Variants in UNC119 observed in about 807,000 individuals in gnomAD.
The protein encoded by UNC119 is protein unc-119 homolog A.
UNC119 carries 15 observed loss-of-function variants against 22.6 expected under a neutral mutation model. The ratio of observed to expected loss-of-function variants is 0.66; its 90% CI spans 0.44 to 1.02. The LOEUF is 1.02. Ranked by LOEUF, UNC119 falls within the 50% of genes least tolerant of loss-of-function variation. UNC119 has a pLI of 0.00. For missense variants in UNC119, 322 were observed against 336.0 expected, an observed-to-expected ratio of 0.96 and a Z score of 0.33; for synonymous variants, 138 against 139.4, an observed-to-expected ratio of 0.99 and a Z score of 0.07.
rs199723120 is a variant in UNC119 at position 28,547,766 on chromosome 17, C to G, written c.521G>C (p.Ser174Thr). The part of the protein sequence containing the change: ...RHYFRNQLLK[S>T]FDFHFGFCIP... ...GCAGAAGCCAAAGTGGAAGTCGAAG[C>G]TTTTGAGTAGCTGGTTGCGGAAGTA... The change falls in exon 4 of 5, where the codon AGC becomes ACC. Residue 174 changes from serine (S) to threonine (T), a missense_variant. By Grantham distance (58) the Ser-to-Thr change is moderately conservative. Transcript: ENST00000335765. 16 of 1,614,092 alleles carry G rather than the reference C, an allele frequency of 9.9e-6. No homozygotes were observed. The East Asian group carries it at 3.1e-4, about 31-fold the overall frequency.
intron 1 of UNC119, chr17:28,552,094 T>C (rs1567612354): frequency 1.5e-6 from 1 of 688,650 alleles, no homozygotes; most frequent in Non-Finnish European, 2.7e-6. Context: ...GACGGGCCCC[T>C]GGAAAAGGAA....
rs1224490465 is a variant in UNC119, at chr17:28,547,034, G to C, written c.*263C>G. On this transcript the variant is annotated 3_prime_UTR_variant, in exon 5 of 5. Transcript: ENST00000335765. ...AAGTAGGGCCCAGCTAAGTTGTCCG[G>C]AAGTCCTGACTGCTCCTCTCACAGG... is the stretch of plus-strand genomic sequence containing the variant. 1.3e-5 allele frequency: 6 copies of C among 462,366 alleles called. No homozygotes were observed. The Admixed American group carries it at 2.0e-4, about 16-fold the overall frequency. 28.6% of individuals were successfully genotyped at this position (462,366 alleles called of 1,614,324 possible).
chr17:28,552,297 C>T (rs1354940407), intron 1 of UNC119, 41 bp downstream of exon 1: 1 of 1,522,838 alleles, frequency 6.6e-7, no homozygotes, highest in Non-Finnish European at 8.8e-7. Flanking sequence ...GCACCCTCTC[C>T]CCTTCCCACC....
Position 28,547,637 on chromosome 17 carries a change from G to A in UNC119, c.610+40C>T, listed in dbSNP as rs142513726. On this transcript the variant is annotated intron_variant, in intron 4 of 4. Coordinates refer to ENST00000335765, the MANE Select transcript of UNC119 (RefSeq NM_005148.4). Reference sequence around the variant, plus strand: ...CCCTCCCGCAGCTCAGTCTCTAGACGCCCCCACTTCCCCACTCCCAGAAGA... The same window carrying A: ...CCCTCCCGCAGCTCAGTCTCTAGACACCCCCACTTCCCCACTCCCAGAAGA... 2.1e-5 allele frequency: 34 copies of A among 1,613,898 alleles called. No homozygotes were observed. In the African/African-American group the frequency reaches 2.9e-4, roughly 14 times the overall value.
intron 1 of UNC119, 83 bp downstream of exon 1, chr17:28,552,255 G>C (rs1019990123): frequency 9.8e-6 from 13 of 1,328,382 alleles, no homozygotes; most frequent in Non-Finnish European, 1.3e-5. Flanking sequence ...AGGGGGCGGG[G>C]GCCAGGGCTT....
Position 28,552,435 on chromosome 17 carries a change from C to T in UNC119, c.123G>A (p.Ser41=), listed in dbSNP as rs1252584126. 2.5e-6 allele frequency: 4 copies of T among 1,568,908 alleles called. No homozygotes were observed. In the East Asian group the frequency reaches 9.4e-5, roughly 37 times the overall value. The change falls in exon 1 of 5, where the codon TCG becomes TCA. Residue 41 remains serine, a synonymous_variant. Transcript: ENST00000335765. ...TGGGCCCTGGGCCTGCGTCCGGCTCCGACTCGGACCCAGATTCGGATTCCG... is the reference window on the plus strand; with the variant it reads ...TGGGCCCTGGGCCTGCGTCCGGCTCTGACTCGGACCCAGATTCGGATTCCG... ...PPAESESGSE[S]EPDAGPGPRP... is the part of the protein sequence containing the mutation.
intron 1 of UNC119, 153 bp from the exon 2 acceptor site, chr17:28,548,858 C>A (rs2070241471): frequency 1.6e-6 from 1 of 622,126 alleles, no homozygotes; most frequent in Non-Finnish European, 2.8e-6. Flanking sequence ...TTGGGGTACA[C>A]CCCCAGTGTG....
rs1020463899 is a variant in UNC119 at position 28,552,561 on chromosome 17, C to G, written c.-4G>C. 2.0e-6 allele frequency: 3 copies of G among 1,514,332 alleles called. No homozygotes were observed. The highest frequency in any genetic ancestry group is 2.6e-6 in the Non-Finnish European group (3 of 1,140,688). The allele number at this position is 1,514,332 out of a possible 1,614,324, so 93.8% of individuals were successfully genotyped here. A position where few individuals can be genotyped will look rare whatever the true frequency, so the allele number is the denominator to read the frequency against. On this transcript the variant is annotated 5_prime_UTR_variant, in exon 1 of 5. Coordinates refer to ENST00000335765, the MANE Select transcript of UNC119 (RefSeq NM_005148.4). Reference sequence around the variant, plus strand: ...CGCCGCCCTTCTTCACCTTCATGGCCTTGCGGGGCCGAGGCTCGCCTGCTG... The same window carrying G: ...CGCCGCCCTTCTTCACCTTCATGGCGTTGCGGGGCCGAGGCTCGCCTGCTG...
intron 1 of UNC119, chr17:28,551,321 T>A (rs2070267131): frequency 6.6e-6 from 1 of 152,176 alleles, no homozygotes; most frequent in Non-Finnish European, 1.5e-5. Flanking sequence ...CCTTTCATCC[T>A]TTGAGGCTCA....
chr17:28,552,478 G>C lies in UNC119; in HGVS notation c.80C>G (p.Pro27Arg). The C allele has an allele frequency of 1.3e-6, 2 of 1,577,988 alleles. No individual in the cohort carries two copies. The highest frequency in any genetic ancestry group is 1.7e-6 in the Non-Finnish European group (2 of 1,170,894). ...APGPSGQSVA[P>R]IPQPPAESES... ...GGATTCCGCAGGCGGCTGTGGTATG[G>C]GGGCCACGCTCTGGCCCGAGGGCCC... The change falls in exon 1 of 5, where the codon CCC becomes CGC. Residue 27 changes from proline to arginine, a missense_variant. Transcript: ENST00000335765.
intron 2 of UNC119, 26 bp from the exon 3 acceptor site, chr17:28,548,127 A>T: frequency 1.3e-6 from 2 of 1,594,310 alleles, no homozygotes; most frequent in South Asian, 2.2e-5. Context: ...GCTGGGGCTC[A>T]GTGGGCTTCA....
intron 2 of UNC119, chr17:28,548,302 C>A (rs1347480088): frequency 4.8e-6 from 3 of 629,848 alleles, no homozygotes; most frequent in African/African-American, 3.7e-5. Flanking sequence ...CACTGTGCTT[C>A]CCCGGGCCAC....
In UNC119 at chr17:28,546,943, G is replaced by A. The variant is rs1285150862; in HGVS notation, c.*354C>T. The A allele has an allele frequency of 2.9e-6, 1 of 345,544 alleles. No individual in the cohort carries two copies. The highest frequency in any genetic ancestry group is 5.7e-6 in the Non-Finnish European group (1 of 174,578). The allele number at this position is 345,544 out of a possible 1,614,324, so 21.4% of individuals were successfully genotyped here. A position where few individuals can be genotyped will look rare whatever the true frequency, so the allele number is the denominator to read the frequency against. ...CCTGAAGGTAGTGGGCAGGGGACAGGGAATGGATCCCTGCCTGATCTAGTC... is the reference window on the plus strand; with the variant it reads ...CCTGAAGGTAGTGGGCAGGGGACAGAGAATGGATCCCTGCCTGATCTAGTC... On this transcript the variant is annotated 3_prime_UTR_variant, in exon 5 of 5. Transcript: ENST00000335765.
chr17:28,547,002 T>A lies in UNC119; in HGVS notation c.*295A>T, dbSNP rs954671216. The A allele has an allele frequency of 7.4e-6, 3 of 404,548 alleles. No individual in the cohort carries two copies. The highest frequency in any genetic ancestry group is 1.4e-5 in the Non-Finnish European group (3 of 212,516). 25.1% of individuals were successfully genotyped at this position (404,548 alleles called of 1,614,324 possible). The stretch of plus-strand genomic sequence containing the variant: ...GATAGGGGAACACTATTCTGAAACT[T>A]GGGCCCAAGTAGGGCCCAGCTAAGT... On this transcript the variant is annotated 3_prime_UTR_variant, in exon 5 of 5. Coordinates refer to ENST00000335765, the MANE Select transcript of UNC119 (RefSeq NM_005148.4).
chr17:28,547,179 G>T lies in UNC119; in HGVS notation c.*118C>A. The T allele has an allele frequency of 8.1e-7, 1 of 1,235,434 alleles. No individual in the cohort carries two copies. Among genetic ancestry groups the T allele is most frequent in the Non-Finnish European group, 1.2e-6 (1 of 865,586 alleles). The allele number at this position is 1,235,434 out of a possible 1,614,324, so 76.5% of individuals were successfully genotyped here. ...CCCTTCCTCCCAACATTGACTCAGG[G>T]TCCGGAGCTCCTGGAGAACTCCCCA... On this transcript the variant is annotated 3_prime_UTR_variant, in exon 5 of 5. Coordinates refer to ENST00000335765, the MANE Select transcript of UNC119 (RefSeq NM_005148.4).
intron 2 of UNC119, 140 bp from the exon 3 acceptor site, chr17:28,548,241 T>C: frequency 3.6e-6 from 3 of 840,074 alleles, no homozygotes; most frequent in Non-Finnish European, 5.5e-6. Context: ...GCTCAGACCA[T>C]TGGCCAAATA....
intron 1 of UNC119, 114 bp from the exon 2 acceptor site, chr17:28,548,819 T>A: frequency 1.2e-6 from 1 of 813,930 alleles, no homozygotes; most frequent in Non-Finnish European, 2.0e-6. Flanking sequence ...ATCACTGCCC[T>A]CTGGAAAGAG....
rs779345012 is a variant in UNC119, at chr17:28,552,528, G to A, written c.30C>T (p.Ala10=). Residue 10 remains alanine (A), a synonymous_variant, in exon 1 of 5, where the codon GCC becomes GCT. Transcript: ENST00000335765. Reference sequence around the variant, plus strand: ...CCGGAGCGGACTCCGTCGCCGTCCCGGCCCCACCGCCGCCCTTCTTCACCT... The same window carrying A: ...CCGGAGCGGACTCCGTCGCCGTCCCAGCCCCACCGCCGCCCTTCTTCACCT... MKVKKGGGG[A]GTATESAPGP... is the part of the protein sequence containing the mutation. 2 of 1,546,350 alleles carry A rather than the reference G, an allele frequency of 1.3e-6. No homozygotes were observed. Among genetic ancestry groups the A allele is most frequent in the Non-Finnish European group, 1.7e-6 (2 of 1,156,670 alleles).
At chr17:28,552,248 G>A (rs1188407396) in intron 1 of UNC119, 90 bp downstream of exon 1, 6 of 1,248,236 alleles carry the variant, frequency 4.8e-6, no homozygotes, top group Non-Finnish European at 6.6e-6. Flanking sequence ...GCGGGAAAGG[G>A]GGCGGGGGCC....
Sources: gnomAD v4.1 joint callset for allele counts on GRCh38, gnomAD v4.1.1 for gene constraint, MANE v1.5 for transcripts, NCBI Gene and HGNC (gene_info 2026-07-23, HGNC 2026-07-21) for gene names.